SMIM36: variants seen among roughly 807,000 people sequenced by gnomAD.
SMIM36 encodes the protein small integral membrane protein 36.
At chr17:55,507,292 G>A (rs920070352) in intron 1 of SMIM36, among the ~76,000 whole-genome samples, 2 of 92,762 alleles carry the variant, frequency 2.2e-5, no homozygotes, top group Admixed American at 1.2e-4. Flanking sequence ...TGTTTATTGC[G>A]GCATTATTCA....
the SMIM36 span, among the ~76,000 whole-genome samples, chr17:55,523,213 C>T: frequency 6.6e-6 from 1 of 152,024 alleles, no homozygotes; most frequent in Non-Finnish European, 1.5e-5. Flanking sequence ...AGGGAGACAG[C>T]AGGGATGTGC....
chr17:55,474,617 A>G (rs553138506), intron 3 of SMIM36, among the ~76,000 whole-genome samples: 31 of 152,192 alleles, frequency 2.0e-4, no homozygotes, highest in African/African-American at 7.5e-4. Context: ...GGATTGCTTG[A>G]TACTTTGGTT....
intron 4 of SMIM36, among the ~76,000 whole-genome samples, chr17:55,466,661 T>G (rs1909244396): frequency 6.6e-6 from 1 of 152,186 alleles, no homozygotes; most frequent in Non-Finnish European, 1.5e-5. Flanking sequence ...ATCCACAACG[T>G]TCCTGTTCCT....
In SMIM36 at chr17:55,460,451, AC is replaced by A. The variant is rs1352286075; in HGVS notation, c.*531+6693del. 3.5e-3 allele frequency among the ~76,000 whole-genome samples: 168 copies of A among 48,442 alleles called. 3 individuals carry two copies. The highest frequency in any genetic ancestry group is 7.3e-3 in the African/African-American group (164 of 22,398). 31.8% of individuals were successfully genotyped at this position (48,442 alleles called of 152,430 possible). On this transcript the variant is annotated intron_variant, in intron 4 of 4. Coordinates refer to ENST00000636752, the Ensembl canonical transcript of SMIM36. ...CTGGAAACAAAAAACAAAAAACAAA[AC>A]AAAAAAAAAGAACAACAACAACAAA...
chr17:55,511,477 C>A, upstream of SMIM36: 2 of 391,114 alleles, frequency 5.1e-6, no homozygotes, highest in Non-Finnish European at 9.0e-6. Flanking sequence ...CTCCAGGAGA[C>A]CTCGAGGATT....
the SMIM36 span, among the ~76,000 whole-genome samples, chr17:55,517,791 T>C: frequency 6.6e-6 from 1 of 152,190 alleles, no homozygotes; most frequent in Admixed American, 6.5e-5. Flanking sequence ...GAAAAGTCAG[T>C]GTTGCAAATA....
chr17:55,501,901 G>T (rs1909991958), intron 1 of SMIM36, among the ~76,000 whole-genome samples: 3 of 145,366 alleles, frequency 2.1e-5, no homozygotes, highest in Admixed American at 2.1e-4. Context: ...GCAAGGCATT[G>T]CCTCACCTGG....
chr17:55,458,359 G>A (rs1327824941), intron 4 of SMIM36: 1 of 152,176 alleles, frequency 6.6e-6, no homozygotes, highest in Non-Finnish European at 1.5e-5. Context: ...ATTAATATGG[G>A]AGTGCTGGGA....
At chr17:55,503,074 T>G (rs973684570) in intron 1 of SMIM36, among the ~76,000 whole-genome samples, 5 of 130,592 alleles carry the variant, frequency 3.8e-5, no homozygotes, top group Middle Eastern at 4.0e-3. Flanking sequence ...TGGGACTATG[T>G]GAAAAGACCA....
chr17:55,463,252 A>T (rs1205620583), intron 4 of SMIM36, among the ~76,000 whole-genome samples: 3 of 152,164 alleles, frequency 2.0e-5, no homozygotes, highest in Non-Finnish European at 4.4e-5. Flanking sequence ...TAAGAGACTA[A>T]TAACAATAAC....
intron 1 of SMIM36, among the ~76,000 whole-genome samples, chr17:55,494,795 A>AAC (rs368788987): frequency 2.6e-5 from 4 of 151,852 alleles, no homozygotes; most frequent in African/African-American, 9.7e-5. Flanking sequence ...ATTTTGTTTG[A>AAC]ACACACACAC....
intron 1 of SMIM36, among the ~76,000 whole-genome samples, chr17:55,502,930 G>A (rs1427180373): frequency 6.7e-6 from 1 of 149,826 alleles, no homozygotes; most frequent in East Asian, 2.0e-4. Context: ...GAAGAATGCA[G>A]AAGCCTCAGG....
chr17:55,485,583 C>G (rs1263766898), intron 1 of SMIM36, among the ~76,000 whole-genome samples: 1 of 152,012 alleles, frequency 6.6e-6, no homozygotes, highest in Non-Finnish European at 1.5e-5. Flanking sequence ...GCCACTGTGT[C>G]CAGCAGAAAA....
At chr17:55,486,475 A>C (rs1170514328) in intron 1 of SMIM36, among the ~76,000 whole-genome samples, 2 of 152,152 alleles carry the variant, frequency 1.3e-5, no homozygotes, top group Non-Finnish European at 2.9e-5. Flanking sequence ...ATGTCTAGTA[A>C]CTTTAGGCCT....
chr17:55,493,808 C>CAAA (rs10555912), intron 1 of SMIM36, among the ~76,000 whole-genome samples: 9 of 65,094 alleles, frequency 1.4e-4, no homozygotes, highest in East Asian at 4.1e-4. Context: ...CTCTCTCTCT[C>CAAA]AAAAAAAAAA....
chr17:55,482,042 G>A (rs1335747630), intron 1 of SMIM36, among the ~76,000 whole-genome samples: 1 of 152,112 alleles, frequency 6.6e-6, no homozygotes, highest in Non-Finnish European at 1.5e-5. Flanking sequence ...AGTGGTATAG[G>A]ACAATAACCC....
the SMIM36 span, among the ~76,000 whole-genome samples, chr17:55,524,638 T>C: frequency 1.3e-5 from 2 of 152,176 alleles, no homozygotes; most frequent in Non-Finnish European, 1.5e-5. Context: ...TGGTATCTCA[T>C]TGTGGTTTTG....
At chr17:55,449,947 C>T (rs769195964) in exon 5 of SMIM36, 1 of 152,132 alleles carries the variant, frequency 6.6e-6, no homozygotes, top group Admixed American at 6.5e-5. Context: ...AAAAGACACG[C>T]CCATGTCCTT....
At chr17:55,516,970 C>T in the SMIM36 span, among the ~76,000 whole-genome samples, 13 of 152,300 alleles carry the variant, frequency 8.5e-5, no homozygotes, top group South Asian at 2.7e-3. Flanking sequence ...ACTCCCTATA[C>T]CATCTTTTAG....
Sources: allele counts gnomAD v4.1 joint callset (sites outside exome capture counted in the v4.1 genomes callset), GRCh38; gene constraint gnomAD v4.1.1; transcripts MANE v1.5; gene names NCBI Gene and HGNC (gene_info 2026-07-23, HGNC 2026-07-21).